TRMT44: variants seen among roughly 807,000 people sequenced by gnomAD.
TRMT44 encodes tRNA methyltransferase 44 homolog.
In TRMT44, 78 loss-of-function variants were observed where a neutral mutation model predicts 77.3. The ratio of observed to expected loss-of-function variants is 1.01; its 90% CI spans 0.84 to 1.22. The LOEUF (loss-of-function observed/expected upper bound fraction) is 1.22, where lower values mean the gene tolerates loss of function less well. Among genes scored for constraint, TRMT44 ranks in the 50% most tolerant of loss-of-function variants. TRMT44 has a pLI of 0.00. For synonymous variants in TRMT44, 391 were observed against 383.3 expected (o/e 1.02, Z -0.23); for missense variants, 1,090 against 964.4 (o/e 1.13, Z -1.73).
chr4:8,487,380 C>T (rs189122587), intron 2 of TRMT44, among the ~76,000 whole-genome samples: 113 of 151,406 alleles, frequency 7.5e-4, no homozygotes, highest in African/African-American at 2.5e-3. Context: ...GGAAGGGGTT[C>T]GGGGGTTCTT....
chr4:8,475,525 C>T (rs539243056), intron 10 of TRMT44, among the ~76,000 whole-genome samples: 4 of 152,270 alleles, frequency 2.6e-5, no homozygotes, highest in Non-Finnish European at 4.4e-5. Flanking sequence ...CCTGGGTCTG[C>T]GCAGGGCTGC....
intron 6 of TRMT44, among the ~76,000 whole-genome samples, chr4:8,460,892 C>T (rs1726112786): frequency 6.6e-6 from 1 of 152,108 alleles, no homozygotes; most frequent in Non-Finnish European, 1.5e-5. Context: ...ATCTGTTGCC[C>T]AGGCTGGAGT....
chr4:8,489,460 CGTTTT>C (rs3068622), intron 2 of TRMT44, among the ~76,000 whole-genome samples: 3,860 of 150,434 alleles, frequency 0.026, 148 homozygotes, highest in African/African-American at 0.085. Flanking sequence ...GTTTTGTTTT[CGTTTT>C]GTTTTGTTTT....
At position 8,446,476 on chromosome 4, in the gene TRMT44, A is replaced by C; in HGVS notation, c.620A>C (p.Asp207Ala). ...GTCCTTCTTCTCTTTTTCTTTCCAG[A>C]TGTCCTCAATGGAACCATAACGTTT... ...TTPRREIVVQ[D>A]VLNGTITFLP... is the part of the protein sequence containing the mutation. The change falls in exon 2 of 11, where the codon GAT becomes GCT. Residue 207 changes from aspartate to alanine, a missense_variant and splice_region_variant. Transcript: ENST00000389737. This position sits in a 1 kb window ranked among gnomAD's most constrained non-coding sequence, Gnocchi z 4.3. The C allele has an allele frequency of 2.0e-6, 3 of 1,530,210 alleles. No individual in the cohort carries two copies. Among genetic ancestry groups the C allele is most frequent in the Non-Finnish European group, 2.6e-6 (3 of 1,141,624 alleles). 94.8% of individuals were successfully genotyped at this position (1,530,210 alleles called of 1,614,324 possible). A position where few individuals can be genotyped will look rare whatever the true frequency, so the allele number is the denominator to read the frequency against.
At chr4:8,475,671 T>A in intron 10 of TRMT44, 101 bp from the exon 11 acceptor site, 4 of 1,094,718 alleles carry the variant, frequency 3.7e-6, no homozygotes, top group Non-Finnish European at 5.4e-6. Context: ...TCCCTGACCC[T>A]GGATTGGCAC....
intron 10 of TRMT44, among the ~76,000 whole-genome samples, chr4:8,474,815 G>C (rs758842428): frequency 2.6e-5 from 4 of 152,188 alleles, no homozygotes; most frequent in Admixed American, 6.5e-5. Flanking sequence ...GGAGCGTAGG[G>C]GGGTATCTCG....
chr4:8,504,506 G>T, the TRMT44 span, among the ~76,000 whole-genome samples: 7 of 152,210 alleles, frequency 4.6e-5, no homozygotes, highest in Admixed American at 6.5e-5. This position sits in a 1 kb window ranked among gnomAD's most constrained non-coding sequence, Gnocchi z 5.3. Context: ...CCCCCAGCGT[G>T]TACGGAGCTC....
At chr4:8,442,269 C>A (rs1015096933) in intron 1 of TRMT44, among the ~76,000 whole-genome samples, 1 of 152,182 alleles carries the variant, frequency 6.6e-6, no homozygotes, top group African/African-American at 2.4e-5. Flanking sequence ...ATGCCATAAG[C>A]CTTTTCCCCA....
intron 10 of TRMT44, among the ~76,000 whole-genome samples, chr4:8,474,651 G>A (rs138103523): frequency 4.5e-4 from 68 of 152,330 alleles, no homozygotes; most frequent in African/African-American, 1.4e-3. Flanking sequence ...TTTGGAAGTC[G>A]GTGAGCCAGA....
chr4:8,482,597 T>G (rs1270424890), intron 2 of TRMT44, among the ~76,000 whole-genome samples: 1 of 149,280 alleles, frequency 6.7e-6, no homozygotes, highest in East Asian at 2.0e-4. Context: ...GGAGTGGGGG[T>G]CGCAAGGTGC....
At chr4:8,508,338 G>A in the TRMT44 span, among the ~76,000 whole-genome samples, 1 of 152,258 alleles carries the variant, frequency 6.6e-6, no homozygotes, top group African/African-American at 2.4e-5. Flanking sequence ...AGGGGCTGCG[G>A]CTGGAGGTTG....
chr4:8,488,551 C>A (rs138466291), intron 2 of TRMT44, among the ~76,000 whole-genome samples: 1 of 152,162 alleles, frequency 6.6e-6, no homozygotes, highest in Admixed American at 6.5e-5. Flanking sequence ...AGGCAAGGAC[C>A]GGCCATTTAC....
chr4:8,497,600 G>A (rs540712443), downstream of TRMT44, among the ~76,000 whole-genome samples: 6 of 152,228 alleles, frequency 3.9e-5, no homozygotes, highest in Admixed American at 6.5e-5. Context: ...AGCTGAGATC[G>A]CGCCACTGCA....
At chr4:8,478,404 TGGC>T (rs544987836), downstream of TRMT44, 119 of 152,748 alleles carry the variant, frequency 7.8e-4, no homozygotes, top group African/African-American at 2.8e-3. Context: ...CCGTGTCACC[TGGC>T]ATAATCAGCT....
intron 2 of TRMT44, among the ~76,000 whole-genome samples, chr4:8,447,554 A>G (rs944200061): frequency 6.6e-6 from 1 of 152,128 alleles, no homozygotes; most frequent in Non-Finnish European, 1.5e-5. Flanking sequence ...GGTCTTGGGG[A>G]TGTGCTCTAC....
chr4:8,483,312 C>T (rs1452705765), intron 2 of TRMT44, among the ~76,000 whole-genome samples: 2 of 152,052 alleles, frequency 1.3e-5, no homozygotes, highest in Admixed American at 6.5e-5. Context: ...CTTGGAGAAA[C>T]AGTGTAAACT....
rs1053436913 is a variant in TRMT44, at chr4:8,446,060, T to C, written c.620-416T>C. ...GTTGTTAGGAAGGCCTGGACTGATA[T>C]CCGCTTTCCTGAACTGGCCTCTGAT... is the stretch of plus-strand genomic sequence containing the variant. On this transcript the variant is annotated intron_variant, in intron 1 of 10. Transcript: ENST00000389737. The surrounding 1 kb of genome is among the most constrained non-coding windows in gnomAD (Gnocchi z 4.3). 3.3e-5 allele frequency among the ~76,000 whole-genome samples: 5 copies of C among 152,234 alleles called. No homozygotes were observed. The highest frequency in any genetic ancestry group is 5.9e-5 in the Non-Finnish European group (4 of 68,046).
chr4:8,446,612 C>A lies in TRMT44; in HGVS notation c.734+22C>A, dbSNP rs1374845024. 2 of 1,477,638 alleles carry A rather than the reference C, an allele frequency of 1.4e-6. No homozygotes were observed. The highest frequency in any genetic ancestry group is 4.9e-5 in the East Asian group (2 of 40,572). 91.5% of individuals were successfully genotyped at this position (1,477,638 alleles called of 1,614,324 possible). ...AATGGTAAGAGCTGGACAGTGGACTCCTAGTTTTATGGTTTCCATTGAGGA... is the reference window on the plus strand; with the variant it reads ...AATGGTAAGAGCTGGACAGTGGACTACTAGTTTTATGGTTTCCATTGAGGA... On this transcript the variant is annotated intron_variant, in intron 2 of 10. Coordinates refer to ENST00000389737, the MANE Select transcript of TRMT44 (RefSeq NM_152544.3). This position sits in a 1 kb window ranked among gnomAD's most constrained non-coding sequence, Gnocchi z 4.3.
chr4:8,488,643 C>A lies in TRMT44; in HGVS notation n.3892-4623C>A, dbSNP rs1480664506. The stretch of plus-strand genomic sequence containing the variant: ...TTTGTGATTCTTCAGTTACTTCAGG[C>A]CATCTGGGCATACACGTGCAAGTCA... On this transcript the variant is annotated intron_variant and non_coding_transcript_variant, in intron 2 of 2. Coordinates refer to the TRMT44 transcript ENST00000511366. Among the ~76,000 whole-genome samples the A allele has an allele frequency of 2.0e-5, 3 of 152,230 alleles. No homozygotes were observed. The East Asian group carries it at 5.8e-4, about 29-fold the overall frequency.
Sources: allele counts gnomAD v4.1 joint callset (sites outside exome capture counted in the v4.1 genomes callset), GRCh38; gene constraint gnomAD v4.1.1; non-coding constraint Gnocchi (gnomAD v3.1); transcripts MANE v1.5; gene names NCBI Gene and HGNC (gene_info 2026-07-23, HGNC 2026-07-21).